Variants in BAHCC1 observed in about 807,000 individuals in gnomAD.
BAHCC1 encodes BAH domain and coiled-coil containing 1.
In BAHCC1, 43 loss-of-function variants were observed where a neutral mutation model predicts 88.2. That is an observed-to-expected ratio of 0.49 (90% CI 0.38 to 0.63). The LOEUF (loss-of-function observed/expected upper bound fraction) is 0.63, where lower values mean the gene tolerates loss of function less well. Ranked by LOEUF, BAHCC1 falls within the 20% of genes least tolerant of loss-of-function variation. The probability of loss-of-function intolerance (pLI) is 0.00; values close to 1 mark genes in which losing one functional copy is unlikely to be tolerated. For missense variants in BAHCC1, 3,023 were observed against 1,654.8 expected, an observed-to-expected ratio of 1.83 and a Z score of -14.34; for synonymous variants, 1,510 against 745.5, an observed-to-expected ratio of 2.03 and a Z score of -16.71.
In BAHCC1 at chr17:81,464,739, G is replaced by C. The variant is rs1331265667; in HGVS notation, c.*922G>C. 1 of 152,546 alleles carries C rather than the reference G, an allele frequency of 6.6e-6. No individual in the cohort carries two copies. The highest frequency in any genetic ancestry group is 1.5e-5 in the Non-Finnish European group (1 of 68,036). 9.4% of individuals were successfully genotyped at this position (152,546 alleles called of 1,614,324 possible). On this transcript the variant is annotated 3_prime_UTR_variant, in exon 28 of 28. Coordinates refer to ENST00000675386, the MANE Select transcript of BAHCC1 (RefSeq NM_001377448.1). ...CTGAATCATATTCCAACCTATATCT[G>C]ATTTCTGTTTCCGGGGCCAGTTGGT... is the stretch of plus-strand genomic sequence containing the variant.
intron 2 of BAHCC1, among the ~76,000 whole-genome samples, chr17:81,406,517 G>A (rs1157815828): frequency 4.6e-5 from 7 of 152,308 alleles, no homozygotes; most frequent in African/African-American, 1.7e-4. Flanking sequence ...AAAATCACCC[G>A]CAGCCCAGGC....
At chr17:81,414,897 G>T (rs1250022010) in intron 2 of BAHCC1, among the ~76,000 whole-genome samples, 1 of 152,170 alleles carries the variant, frequency 6.6e-6, no homozygotes, top group African/African-American at 2.4e-5. Context: ...TCCCGGTGTG[G>T]TCTCCGTCTC....
chr17:81,445,323 GC>G (rs782591430), intron 9 of BAHCC1, 30 bp from the exon 10 acceptor site: 1 of 754,890 alleles, frequency 1.3e-6, no homozygotes, highest in Non-Finnish European at 2.5e-6. Flanking sequence ...GGGATCCTGA[GC>G]CTGACCGAGC....
intron 2 of BAHCC1, among the ~76,000 whole-genome samples, chr17:81,408,559 C>T (rs191692928): frequency 5.3e-5 from 8 of 152,246 alleles, no homozygotes; most frequent in South Asian, 2.1e-4. Context: ...GTTCTGATCC[C>T]GGCGTCACAT....
intron 3 of BAHCC1, among the ~76,000 whole-genome samples, chr17:81,428,418 G>T (rs967075755): frequency 6.6e-6 from 1 of 152,298 alleles, no homozygotes; most frequent in South Asian, 2.1e-4. Flanking sequence ...CACAACAGAC[G>T]CAACGGCCGC....
rs782731828 is a variant in BAHCC1 at position 81,461,909 on chromosome 17, C to A, written c.7246C>A (p.Arg2416Ser). 1.3e-6 allele frequency: 1 copy of A among 744,046 alleles called. No individual in the cohort carries two copies. Among genetic ancestry groups the A allele is most frequent in the East Asian group, 2.6e-5 (1 of 38,916 alleles). 46.1% of individuals were successfully genotyped at this position (744,046 alleles called of 1,614,324 possible). A position where few individuals can be genotyped will look rare whatever the true frequency, so the allele number is the denominator to read the frequency against. Residue 2416 changes from arginine to serine, a missense_variant, in exon 26 of 28, where the codon CGC becomes AGC. By Grantham distance (110) the Arg-to-Ser change is moderately radical. Transcript: ENST00000675386. ...PSSSSKSKLK[R>S]KEALSFSKAK... ...CAGCAGCAGCAAATCCAAGCTCAAG[C>A]GCAAAGAGGCCCTGAGCTTCTCCAA...
At chr17:81,432,745 CG>C (rs2064280021) in intron 3 of BAHCC1, among the ~76,000 whole-genome samples, 1 of 29,710 alleles carries the variant, frequency 3.4e-5, no homozygotes, top group African/African-American at 2.1e-4. Context: ...ACCCTCCCCC[CG>C]AGCCCCAGAC....
In BAHCC1 at chr17:81,459,575, G is replaced by A. The variant is rs544568945; in HGVS notation, c.5876G>A (p.Arg1959Gln). The A allele has an allele frequency of 3.8e-6, 3 of 779,684 alleles. No individual in the cohort carries two copies. The highest frequency in any genetic ancestry group is 1.7e-5 in the African/African-American group (1 of 59,248). The allele number at this position is 779,684 out of a possible 1,614,324, so 48.3% of individuals were successfully genotyped here. The change falls in exon 23 of 28, where the codon CGA becomes CAA. Residue 1959 changes from arginine (R) to glutamine (Q), a missense_variant. Transcript: ENST00000675386. The part of the protein sequence containing the change: ...RVCAYWSQKS[R>Q]CLYPGNVVRG... ...TGCGCCTACTGGAGTCAGAAGTCTC[G>A]ATGTCTGTACCCGGGCAACGTGGTC...
Position 81,443,524 on chromosome 17 carries a change from C to A in BAHCC1, c.2175C>A (p.Thr725=). 1 of 674,698 alleles carries A rather than the reference C, an allele frequency of 1.5e-6. No individual in the cohort carries two copies. Among genetic ancestry groups the A allele is most frequent in the Non-Finnish European group, 2.7e-6 (1 of 367,068 alleles). 41.8% of individuals were successfully genotyped at this position (674,698 alleles called of 1,614,324 possible). The change falls in exon 5 of 28, where the codon ACC becomes ACA. Residue 725 remains threonine (T), a synonymous_variant. Transcript: ENST00000675386. ...TVSRSEAAYG[T]NTARQGRAAP... ...GCCGGTCTGAGGCAGCCTACGGCAC[C>A]AACACTGCGCGGCAGGGCCGGGCCG... is the stretch of plus-strand genomic sequence containing the variant.
rs1217028478 is a variant in BAHCC1 at position 81,445,314 on chromosome 17, G to A, written c.2836-40G>A. The A allele has an allele frequency of 1.9e-5, 14 of 746,918 alleles. No homozygotes were observed. In the East Asian group the frequency reaches 3.3e-4, roughly 18 times the overall value. 46.3% of individuals were successfully genotyped at this position (746,918 alleles called of 1,614,324 possible). ...AAGCAGGGGGCCCACTGGGGTCAGG[G>A]GATCCTGAGCCTGACCGAGCTTGCC... is the stretch of plus-strand genomic sequence containing the variant. On this transcript the variant is annotated intron_variant, in intron 9 of 27. Transcript: ENST00000675386.
At chr17:81,406,941 G>GT (rs782485971) in intron 2 of BAHCC1, 60 of 456,318 alleles carry the variant, frequency 1.3e-4, no homozygotes, top group African/African-American at 8.6e-4. Flanking sequence ...CAGGAAGTGG[G>GT]TTTTTTTCAT....
At chr17:81,444,061 C>T (rs2064475856) in intron 6 of BAHCC1, 144 bp downstream of exon 6, 3 of 619,736 alleles carry the variant, frequency 4.8e-6, no homozygotes, top group Non-Finnish European at 8.7e-6. Context: ...CTCCCCACCC[C>T]TAGAGCCTTT....
At chr17:81,437,352 G>GCTGGGC (rs2064350667) in intron 3 of BAHCC1, among the ~76,000 whole-genome samples, 1 of 152,264 alleles carries the variant, frequency 6.6e-6, no homozygotes, top group Non-Finnish European at 1.5e-5. Flanking sequence ...TGGGGCTGGG[G>GCTGGGC]CTGGGCGGGT....
rs1555659220 is a variant in BAHCC1 at position 81,461,212 on chromosome 17, G to T, written c.6549G>T (p.Leu2183=). The T allele has an allele frequency of 4.1e-6, 3 of 727,108 alleles. No individual in the cohort carries two copies. The highest frequency in any genetic ancestry group is 7.6e-6 in the Non-Finnish European group (3 of 396,066). 45.0% of individuals were successfully genotyped at this position (727,108 alleles called of 1,614,324 possible). The part of the protein sequence containing the change: ...GPGLPRGAHK[L]LRAKKAERVE... Reference sequence around the variant, plus strand: ...GCCTCCCCAGGGGAGCCCACAAGCTGCTGCGGGCTAAGAAGGCCGAGAGGG... The same window carrying T: ...GCCTCCCCAGGGGAGCCCACAAGCTTCTGCGGGCTAAGAAGGCCGAGAGGG... Residue 2183 remains leucine (L), a synonymous_variant, in exon 26 of 28, where the codon CTG becomes CTT. Coordinates refer to ENST00000675386, the MANE Select transcript of BAHCC1 (RefSeq NM_001377448.1).
At chr17:81,400,961 G>T (rs1244805889) in intron 2 of BAHCC1, 2 of 152,570 alleles carry the variant, frequency 1.3e-5, no homozygotes, top group African/African-American at 4.8e-5. Context: ...TGGTACATGG[G>T]TGGCTTTTGT....
At chr17:81,437,607 C>T (rs1203755946) in intron 3 of BAHCC1, among the ~76,000 whole-genome samples, 6 of 152,340 alleles carry the variant, frequency 3.9e-5, no homozygotes, top group East Asian at 3.9e-4. Context: ...CAGGGCCAGC[C>T]GCGTGGGTGG....
intron 4 of BAHCC1, among the ~76,000 whole-genome samples, chr17:81,439,461 G>A (rs1217851008): frequency 6.6e-6 from 1 of 152,004 alleles, no homozygotes; most frequent in Non-Finnish European, 1.5e-5. Context: ...GGGAGCAGCA[G>A]TTGGACGGTG....
At position 81,447,566 on chromosome 17, in the gene BAHCC1, C is replaced by T. The variant is rs782665014; in HGVS notation, c.3694C>T (p.Leu1232=). The change falls in exon 11 of 28, where the codon CTG becomes TTG. Residue 1232 remains leucine (L), a synonymous_variant. Transcript: ENST00000675386. ...PEEDELEEDE[L]GQQSMEDSEE... The stretch of plus-strand genomic sequence containing the variant: ...GGAGGACGAGCTGGAGGAAGACGAG[C>T]TGGGGCAGCAGAGCATGGAGGACTC... 2 of 756,988 alleles carry T rather than the reference C, an allele frequency of 2.6e-6. No homozygotes were observed. Among genetic ancestry groups the T allele is most frequent in the South Asian group, 2.8e-5 (2 of 71,084 alleles). 46.9% of individuals were successfully genotyped at this position (756,988 alleles called of 1,614,324 possible).
At position 81,449,151 on chromosome 17, in the gene BAHCC1, C is replaced by T. The variant is rs534847570; in HGVS notation, c.3976+1303C>T. On this transcript the variant is annotated intron_variant, in intron 11 of 27. Transcript: ENST00000675386. Reference sequence around the variant, plus strand: ...AGACCACGTGTCCCGGGTGGTGGGCCATGTGGCTTAACCCAGCATGGATGT... The same window carrying T: ...AGACCACGTGTCCCGGGTGGTGGGCTATGTGGCTTAACCCAGCATGGATGT... Among the ~76,000 whole-genome samples, 224 of 152,206 alleles carry T rather than the reference C, an allele frequency of 1.5e-3. 2 individuals carry two copies. Among genetic ancestry groups the T allele is most frequent in the African/African-American group, 5.2e-3 (215 of 41,514 alleles).
Sources: gnomAD v4.1 joint callset for allele counts (sites outside exome capture counted in the v4.1 genomes callset) on GRCh38, gnomAD v4.1.1 for gene constraint, MANE v1.5 for transcripts, NCBI Gene and HGNC (gene_info 2026-07-23, HGNC 2026-07-21) for gene names.